Variants in GRIK2 observed in about 807,000 individuals in gnomAD.
GRIK2 encodes glutamate ionotropic receptor kainate type subunit 2, also known as glutamate receptor ionotropic, kainate 2.
A neutral mutation model predicts 100.3 loss-of-function variants in GRIK2; 32 were observed. The observed-to-expected ratio is 0.32, with a 90% CI of 0.24 to 0.43. The LOEUF is 0.43. Among genes scored for constraint, GRIK2 ranks in the 20% least tolerant of loss-of-function variants. GRIK2 has a pLI of 1.00. For synonymous variants in GRIK2, 417 were observed against 389.4 expected, an observed-to-expected ratio of 1.07 and a Z score of -0.83; for missense variants, 843 against 1,114.9, an observed-to-expected ratio of 0.76 and a Z score of 3.47.
intron 15 of GRIK2, among the ~76,000 whole-genome samples, chr6:102,036,230 A>AACACACAC (rs775417100): frequency 4.1e-5 from 6 of 146,306 alleles, no homozygotes; most frequent in African/African-American, 1.0e-4. Context: ...GCCGTAAGTA[A>AACACACAC]ACACACACAC....
At chr6:101,998,671 A>C (rs1309828835) in intron 14 of GRIK2, among the ~76,000 whole-genome samples, 1 of 152,000 alleles carries the variant, frequency 6.6e-6, no homozygotes, top group Non-Finnish European at 1.5e-5. Flanking sequence ...TATAGATGAA[A>C]GTTTTTGCTT....
intron 4 of GRIK2, among the ~76,000 whole-genome samples, chr6:101,648,367 C>T (rs1781626355): frequency 6.6e-6 from 1 of 151,950 alleles, no homozygotes; most frequent in South Asian, 2.1e-4. Flanking sequence ...TGCATTACAC[C>T]AAAAGTGATA....
At chr6:101,855,025 A>T (rs907703102) in intron 10 of GRIK2, among the ~76,000 whole-genome samples, 4 of 152,184 alleles carry the variant, frequency 2.6e-5, no homozygotes, top group Non-Finnish European at 5.9e-5. Flanking sequence ...TCACCATTTG[A>T]AGAGCATTAT....
chr6:101,928,208 T>C (rs766991094), intron 13 of GRIK2: 2 of 572,372 alleles, frequency 3.5e-6, no homozygotes, highest in Non-Finnish European at 3.1e-6. Context: ...TCACTATATT[T>C]AAACAAGAAT....
intron 4 of GRIK2, among the ~76,000 whole-genome samples, chr6:101,649,452 G>A (rs1466245048): frequency 6.6e-6 from 1 of 151,998 alleles, no homozygotes; most frequent in Admixed American, 6.6e-5. Context: ...GTGGGTTGGA[G>A]TAATATTAAA....
In GRIK2 at chr6:101,705,383, C is replaced by T. The variant is rs1773196858; in HGVS notation, c.951+19030C>T. Among the ~76,000 whole-genome samples the T allele has an allele frequency of 3.3e-5, 5 of 151,568 alleles. No homozygotes were observed. In the Admixed American group the frequency reaches 3.3e-4, roughly 10 times the overall value. On this transcript the variant is annotated intron_variant, in intron 7 of 16. Coordinates refer to ENST00000369134, the MANE Select transcript of GRIK2 (RefSeq NM_021956.5). ...GTTCTACAAAAATACCAAAAGTTTA[C>T]CATATTTATTGCTAAGATGCAGGTA...
chr6:101,445,621 A>G (rs979113896), intron 2 of GRIK2, among the ~76,000 whole-genome samples: 2 of 151,976 alleles, frequency 1.3e-5, no homozygotes, highest in African/African-American at 4.8e-5. Flanking sequence ...CCATTGCCCT[A>G]GTTATTCTCC....
At position 101,688,978 on chromosome 6, in the gene GRIK2, A is replaced by G. The variant is rs146580769; in HGVS notation, c.951+2625A>G. Among the ~76,000 whole-genome samples, 1,044 of 152,112 alleles carry G rather than the reference A, an allele frequency of 6.9e-3. 10 individuals carry two copies. The highest frequency in any genetic ancestry group is 0.023 in the African/African-American group (938 of 41,544). On this transcript the variant is annotated intron_variant, in intron 7 of 16. Transcript: ENST00000369134. ...TTAATTCTTAATTATAAAATAGCAT[A>G]TGGTTATTAAAATAAAACCAATTGA...
chr6:101,761,535 C>T (rs1777667075), intron 7 of GRIK2, among the ~76,000 whole-genome samples: 1 of 151,962 alleles, frequency 6.6e-6, no homozygotes, highest in African/African-American at 2.4e-5. Context: ...TTTTAGCTTT[C>T]CCACATTATT....
chr6:101,790,823 A>C (rs1779794336), intron 7 of GRIK2, among the ~76,000 whole-genome samples: 2 of 151,404 alleles, frequency 1.3e-5, no homozygotes. Context: ...TTCGGCTGTG[A>C]ATCCATCTGG....
intron 2 of GRIK2, among the ~76,000 whole-genome samples, chr6:101,542,603 ATAT>A (rs1447778125): frequency 1.1e-4 from 16 of 152,270 alleles, no homozygotes; most frequent in Middle Eastern, 3.4e-3. Context: ...AGTATTTAAA[ATAT>A]TATGCATTAG....
chr6:101,437,621 G>A (rs1769804676), intron 2 of GRIK2, among the ~76,000 whole-genome samples: 1 of 152,012 alleles, frequency 6.6e-6, no homozygotes, highest in Non-Finnish European at 1.5e-5. Context: ...AATACCTTAG[G>A]GAGTGGGGGC....
chr6:101,649,797 G>A (rs1011605573), intron 4 of GRIK2, among the ~76,000 whole-genome samples: 4 of 152,102 alleles, frequency 2.6e-5, no homozygotes, highest in African/African-American at 9.7e-5. Context: ...AAGGGAGAAA[G>A]CCCAGAGTAT....
chr6:101,985,442 G>T (rs1793969452), intron 14 of GRIK2, among the ~76,000 whole-genome samples: 1 of 151,606 alleles, frequency 6.6e-6, no homozygotes, highest in African/African-American at 2.4e-5. Flanking sequence ...CTGGCTTTTG[G>T]CATCCTTCTT....
At position 101,444,399 on chromosome 6, in the gene GRIK2, G is replaced by A. The variant is rs373211676; in HGVS notation, c.115+45007G>A. On this transcript the variant is annotated intron_variant, in intron 2 of 16. Transcript: ENST00000369134. Reference sequence around the variant, plus strand: ...GTAATATATTCAATTTGGTCAACATGTTTTATCTCTAAGCCTTGGCAATGT... The same window carrying A: ...GTAATATATTCAATTTGGTCAACATATTTTATCTCTAAGCCTTGGCAATGT... Among the ~76,000 whole-genome samples, 9 of 152,066 alleles carry A rather than the reference G, an allele frequency of 5.9e-5. No homozygotes were observed. The South Asian group carries it at 1.5e-3, about 25-fold the overall frequency.
chr6:102,050,633 G>C (rs1316948467), intron 15 of GRIK2, among the ~76,000 whole-genome samples: 5 of 108,784 alleles, frequency 4.6e-5, no homozygotes, highest in African/African-American at 1.4e-4. Context: ...TGGGCGACAA[G>C]AGCAAAACTC....
chr6:101,935,738 C>T (rs1312369666), intron 14 of GRIK2, among the ~76,000 whole-genome samples: 1 of 151,904 alleles, frequency 6.6e-6, no homozygotes, highest in Non-Finnish European at 1.5e-5. Context: ...TACTTCTGCT[C>T]CTTTCCTTGT....
chr6:101,503,879 G>A (rs529190364), intron 2 of GRIK2, among the ~76,000 whole-genome samples: 2 of 152,132 alleles, frequency 1.3e-5, no homozygotes, highest in Non-Finnish European at 2.9e-5. Flanking sequence ...TGGTGCAGCA[G>A]GAGGTTGTGG....
At chr6:101,737,178 A>ATT (rs1331192557) in intron 7 of GRIK2, among the ~76,000 whole-genome samples, 2 of 151,816 alleles carry the variant, frequency 1.3e-5, no homozygotes, top group African/African-American at 4.8e-5. Context: ...ACTTTCCCAC[A>ATT]TTTTCCTGTC....
Sources: allele counts gnomAD v4.1 joint callset (sites outside exome capture counted in the v4.1 genomes callset), GRCh38; gene constraint gnomAD v4.1.1; transcripts MANE v1.5; gene names NCBI Gene and HGNC (gene_info 2026-07-23, HGNC 2026-07-21).